The following PHF8 variants were observed in gnomAD, a reference collection of about 807,000 sequenced individuals.
PHF8 encodes PHD finger protein 8, also known as histone lysine demethylase PHF8.
PHF8 carries 9 observed loss-of-function variants against 74.4 expected under a neutral mutation model. That is an observed-to-expected ratio of 0.12 (90% confidence interval 0.07 to 0.21). PHF8 has a LOEUF of 0.21. Among genes scored for constraint, PHF8 ranks in the 10% least tolerant of loss-of-function variants. PHF8 has a pLI of 1.00. For synonymous variants in PHF8, 311 were observed against 316.6 expected (o/e 0.98, Z 0.19); for missense variants, 478 against 816.6 (o/e 0.59, Z 5.05).
At chrX:53,972,313 C>T (rs782099094) in intron 18 of PHF8, among the ~76,000 whole-genome samples, 12 of 82,829 alleles carry the variant, frequency 1.4e-4, no homozygotes, top group East Asian at 1.1e-3. Context: ...CAGGGCAAGA[C>T]GCTGTCTCAA....
In PHF8 at chrX:54,002,763, C is replaced by G. The variant is rs1465968987; in HGVS notation, c.947-81G>C. On this transcript the variant is annotated intron_variant, in intron 8 of 21. Transcript: ENST00000338154. ...ATCTCCACTACCTACTCATCTCAAA[C>G]CCAACTCCTTAAGAGCAGTTAGCCT... 17 of 646,914 alleles carry G rather than the reference C, an allele frequency of 2.6e-5. No individual in the cohort carries two copies. The East Asian group carries it at 5.8e-4, about 22-fold the overall frequency. 53.3% of individuals were successfully genotyped at this position (646,914 alleles called of 1,213,427 possible).
chrX:54,044,810 A>G (rs2066618299), upstream of PHF8: 4 of 1,005,434 alleles, frequency 4.0e-6, no homozygotes, highest in South Asian at 6.5e-5. Flanking sequence ...CGGTGACTCC[A>G]AACTACAAAA....
intron 19 of PHF8, among the ~76,000 whole-genome samples, chrX:53,955,877 T>C (rs2065006696): frequency 9.0e-6 from 1 of 111,652 alleles, no homozygotes; most frequent in Admixed American, 9.6e-5. Flanking sequence ...TTTCATCCTA[T>C]TGGGTTAAAC....
At chrX:53,980,857 C>T (rs1357853847) in intron 18 of PHF8, among the ~76,000 whole-genome samples, 3 of 112,608 alleles carry the variant, frequency 2.7e-5, no homozygotes, top group Non-Finnish European at 5.6e-5. Context: ...TAAATAGAGA[C>T]AGACTATGTT....
chrX:54,016,224 T>C (rs1021805615), intron 6 of PHF8, among the ~76,000 whole-genome samples: 3 of 111,377 alleles, frequency 2.7e-5, no homozygotes, highest in African/African-American at 9.8e-5. Flanking sequence ...CAAGGTGCGG[T>C]GGCTCATGCC....
At chrX:54,001,751 C>CA (rs1834319320) in intron 10 of PHF8, among the ~76,000 whole-genome samples, 1 of 110,680 alleles carries the variant, frequency 9.0e-6, no homozygotes, top group African/African-American at 3.3e-5. Context: ...CCTGTTCATA[C>CA]AAAAAATTTA....
intron 18 of PHF8, among the ~76,000 whole-genome samples, chrX:53,975,639 G>C (rs149540941): frequency 8.9e-6 from 1 of 112,012 alleles, no homozygotes; most frequent in Non-Finnish European, 1.9e-5. Flanking sequence ...GACAAATATC[G>C]CATGTTCTCA....
At position 53,937,653 on chromosome X, in the gene PHF8, G is replaced by A; in HGVS notation, c.*1505C>T. On this transcript the variant is annotated 3_prime_UTR_variant, in exon 22 of 22. Transcript: ENST00000338154. ...CTGATTCCAAGGAAGGAAAGTAGAGGCAGGGCTATGGAGAAAAGAAAGACA... is the reference window on the plus strand; with the variant it reads ...CTGATTCCAAGGAAGGAAAGTAGAGACAGGGCTATGGAGAAAAGAAAGACA... The A allele has an allele frequency of 4.6e-6, 1 of 215,961 alleles. No homozygotes were observed. Among genetic ancestry groups the A allele is most frequent in the Non-Finnish European group, 8.5e-6 (1 of 117,586 alleles). 17.8% of individuals were successfully genotyped at this position (215,961 alleles called of 1,213,427 possible). A position where few individuals can be genotyped will look rare whatever the true frequency, so the allele number is the denominator to read the frequency against.
intron 2 of PHF8, among the ~76,000 whole-genome samples, chrX:54,040,503 A>G (rs1557115571): frequency 8.9e-6 from 1 of 112,283 alleles, no homozygotes; most frequent in South Asian, 3.6e-4. Flanking sequence ...TTTTTAATAA[A>G]GACGCACACA....
chrX:53,947,284 T>C (rs1557085452), intron 19 of PHF8, among the ~76,000 whole-genome samples: 1 of 112,008 alleles, frequency 8.9e-6, no homozygotes, highest in Non-Finnish European at 1.9e-5. Flanking sequence ...ACCATAGGCA[T>C]GAGCCACCAT....
rs1236817498 is a variant in PHF8 at position 53,972,321 on chromosome X, C to CAA, written c.2444-9384_2444-9383dup. Among the ~76,000 whole-genome samples the CAA allele has an allele frequency of 7.2e-3, 243 of 33,660 alleles. 2 individuals are homozygous for CAA. The highest frequency in any genetic ancestry group is 9.8e-3 in the South Asian group (5 of 512). 29.2% of individuals were successfully genotyped at this position (33,660 alleles called of 115,157 possible). A position where few individuals can be genotyped will look rare whatever the true frequency, so the allele number is the denominator to read the frequency against. ...CTGGTGACAGGGCAAGACGCTGTCT[C>CAA]AAAAAAAAAAAAAAAAAAAAAAAGA... is the stretch of plus-strand genomic sequence containing the variant. On this transcript the variant is annotated intron_variant, in intron 18 of 21. Coordinates refer to ENST00000338154, the MANE Select transcript of PHF8 (RefSeq NM_015107.3).
chrX:53,998,701 T>G (rs1354494937), intron 11 of PHF8, among the ~76,000 whole-genome samples: 1 of 111,671 alleles, frequency 9.0e-6, no homozygotes, highest in Non-Finnish European at 1.9e-5. Context: ...GTTGTGCACC[T>G]TGACAAATTT....
At chrX:53,949,509 A>G (rs187608705) in intron 19 of PHF8, among the ~76,000 whole-genome samples, 252 of 110,672 alleles carry the variant, frequency 2.3e-3, no homozygotes, top group Middle Eastern at 4.7e-3. Flanking sequence ...ATGGTACTAG[A>G]TGATATTAAG....
At chrX:53,949,096 G>T (rs948299333) in intron 19 of PHF8, among the ~76,000 whole-genome samples, 1 of 110,561 alleles carries the variant, frequency 9.0e-6, no homozygotes, top group African/African-American at 3.3e-5. Context: ...ACTTTGGGAG[G>T]CCGAGGTGAG....
chrX:53,938,127 T>C lies in PHF8; in HGVS notation c.*1031A>G. On this transcript the variant is annotated 3_prime_UTR_variant, in exon 22 of 22. Transcript: ENST00000338154. ...GTCTTCTTCAGACCAAGACCTCAGG[T>C]GGAGAAAGAAGCATGAAAAGTTCCC... 1 of 1,135,691 alleles carries C rather than the reference T, an allele frequency of 8.8e-7. No homozygotes were observed. Among genetic ancestry groups the C allele is most frequent in the Non-Finnish European group, 1.2e-6 (1 of 857,137 alleles). 93.6% of individuals were successfully genotyped at this position (1,135,691 alleles called of 1,213,427 possible). A position where few individuals can be genotyped will look rare whatever the true frequency, so the allele number is the denominator to read the frequency against.
Position 53,955,560 on chromosome X carries a change from T to TC in PHF8, c.2539+7283_2539+7284insG, listed in dbSNP as rs1253694514. 1.1e-3 allele frequency among the ~76,000 whole-genome samples: 115 copies of TC among 101,673 alleles called. 6 individuals are homozygous for TC. In the South Asian group the frequency reaches 0.046, roughly 41 times the overall value. 88.3% of individuals were successfully genotyped at this position (101,673 alleles called of 115,157 possible). A position where few individuals can be genotyped will look rare whatever the true frequency, so the allele number is the denominator to read the frequency against. On this transcript the variant is annotated intron_variant, in intron 19 of 21. Transcript: ENST00000338154. Reference sequence around the variant, plus strand: ...TCATGATTTGGTCTCTTCTTTTCTTTTTTTTTTTTTTTTTTTTAATTTCTG... The same window carrying TC: ...TCATGATTTGGTCTCTTCTTTTCTTTCTTTTTTTTTTTTTTTTTAATTTCTG...
At position 54,017,830 on chromosome X, in the gene PHF8, C is replaced by T; in HGVS notation, c.294-9G>A. The T allele has an allele frequency of 8.3e-7, 1 of 1,208,880 alleles. No individual in the cohort carries two copies. Among genetic ancestry groups the T allele is most frequent in the Non-Finnish European group, 1.1e-6 (1 of 893,255 alleles). ...GAATCACTTCATCTGAGCTGTGGGCCGCAGGAGAGAAAGCTTGAGCCTGAG... is the reference window on the plus strand; with the variant it reads ...GAATCACTTCATCTGAGCTGTGGGCTGCAGGAGAGAAAGCTTGAGCCTGAG... On this transcript the variant is annotated splice_polypyrimidine_tract_variant and intron_variant, in intron 4 of 21. Transcript: ENST00000338154.
chrX:53,988,948 T>C (rs1188117793), intron 14 of PHF8, among the ~76,000 whole-genome samples: 1 of 108,926 alleles, frequency 9.2e-6, no homozygotes, highest in African/African-American at 3.3e-5. Flanking sequence ...ATATAGACAA[T>C]TTTTATATTT....
chrX:53,963,207 TACTC>T (rs781916190), intron 18 of PHF8, among the ~76,000 whole-genome samples: 16 of 111,795 alleles, frequency 1.4e-4, no homozygotes, highest in Middle Eastern at 4.6e-3. Context: ...TTACTTTACT[TACTC>T]ACCCTTCAAA....
Sources: allele counts gnomAD v4.1 joint callset (sites outside exome capture counted in the v4.1 genomes callset), GRCh38; gene constraint gnomAD v4.1.1; transcripts MANE v1.5; gene names NCBI Gene and HGNC (gene_info 2026-07-23, HGNC 2026-07-21).